Variants in FILIP1L observed in about 807,000 individuals in gnomAD.
FILIP1L encodes filamin A-interacting protein 1-like.
FILIP1L carries 55 observed loss-of-function variants against 96.6 expected under a neutral mutation model. That is an observed-to-expected ratio of 0.57 (90% CI 0.46 to 0.71). The LOEUF (loss-of-function observed/expected upper bound fraction) is 0.71. FILIP1L is among the 30% of genes least tolerant of loss of function. The pLI, the probability that FILIP1L is intolerant of heterozygous loss-of-function variation, is 0.00. For synonymous variants in FILIP1L, 467 were observed against 473.9 expected (o/e 0.99, Z 0.19); for missense variants, 1,304 against 1,321.2 (o/e 0.99, Z 0.20).
Position 99,930,807 on chromosome 3 carries a change from G to C in FILIP1L, c.214C>G (p.Leu72Val). The C allele has an allele frequency of 6.2e-7, 1 of 1,612,826 alleles. No homozygotes were observed. The highest frequency in any genetic ancestry group is 1.3e-5 in the African/African-American group (1 of 74,624). The change falls in exon 2 of 6, where the codon CTG becomes GTG. Residue 72 changes from leucine to valine, a missense_variant. Coordinates refer to ENST00000477258, the MANE Select transcript of FILIP1L (RefSeq NM_001387850.1). Reference sequence around the variant, plus strand: ...TCCAGAATGCTGAGGAGAAATAACAGGTCATCTCTTGAGAGGTCTTCTGCT... The same window carrying C: ...TCCAGAATGCTGAGGAGAAATAACACGTCATCTCTTGAGAGGTCTTCTGCT... ...HQAEDLSRDD[L>V]LFLLSILEGE...
chr3:99,913,683 A>G (rs1190782792), intron 4 of FILIP1L, among the ~76,000 whole-genome samples: 2 of 152,206 alleles, frequency 1.3e-5, no homozygotes, highest in Admixed American at 6.5e-5. Context: ...ACAAGAAACT[A>G]TTCATGGTGG....
At chr3:99,908,662 G>C (rs1706696792) in intron 4 of FILIP1L, among the ~76,000 whole-genome samples, 1 of 152,152 alleles carries the variant, frequency 6.6e-6, no homozygotes, top group African/African-American at 2.4e-5. Flanking sequence ...TGAATATTAT[G>C]TGGACAATAA....
At chr3:99,891,824 A>G (rs1442916713) in intron 4 of FILIP1L, among the ~76,000 whole-genome samples, 1 of 152,232 alleles carries the variant, frequency 6.6e-6, no homozygotes, top group Non-Finnish European at 1.5e-5. Context: ...GCCTAATTGT[A>G]TAAACATTGT....
intron 1 of FILIP1L, among the ~76,000 whole-genome samples, chr3:99,963,753 G>T (rs1435475718): frequency 1.3e-5 from 2 of 151,982 alleles, no homozygotes; most frequent in Non-Finnish European, 2.9e-5. Context: ...AGTAGCTGGG[G>T]ATTACAGGCA....
intron 4 of FILIP1L, among the ~76,000 whole-genome samples, chr3:99,917,201 T>A (rs1706981136): frequency 6.6e-6 from 1 of 152,210 alleles, no homozygotes; most frequent in Non-Finnish European, 1.5e-5. Flanking sequence ...GGCTGTTGGA[T>A]AATTACTGTG....
chr3:100,080,331 A>C (rs2065912687), intron 1 of FILIP1L, among the ~76,000 whole-genome samples: 1 of 152,046 alleles, frequency 6.6e-6, no homozygotes, highest in Admixed American at 6.6e-5. Context: ...GGGAAAAAAA[A>C]ATTTAATAAC....
chr3:99,834,403 C>A (rs555717669), intron 5 of FILIP1L, among the ~76,000 whole-genome samples: 1 of 152,144 alleles, frequency 6.6e-6, no homozygotes, highest in South Asian at 2.1e-4. Flanking sequence ...GTGGTTGTAC[C>A]TAGTCACCTC....
chr3:100,082,784 A>C (rs13069311), intron 1 of FILIP1L, among the ~76,000 whole-genome samples: 27,675 of 152,148 alleles, frequency 0.18, 2,909 homozygotes, highest in South Asian at 0.25. Flanking sequence ...CATGTCACAA[A>C]ATCTGTTTTT....
chr3:100,058,762 T>C (rs1038110632), intron 1 of FILIP1L, among the ~76,000 whole-genome samples: 1 of 152,238 alleles, frequency 6.6e-6, no homozygotes, highest in Admixed American at 6.5e-5. Flanking sequence ...GAGGACGCTG[T>C]ATAACCTCCT....
intron 1 of FILIP1L, among the ~76,000 whole-genome samples, chr3:100,068,801 T>A (rs2065712316): frequency 6.6e-6 from 1 of 152,188 alleles, no homozygotes; most frequent in African/African-American, 2.4e-5. Flanking sequence ...CTAATTTTTG[T>A]ATTTTTAGTA....
intron 4 of FILIP1L, among the ~76,000 whole-genome samples, chr3:99,914,972 A>G (rs558524335): frequency 6.6e-6 from 1 of 152,350 alleles, no homozygotes; most frequent in African/African-American, 2.4e-5. Flanking sequence ...ACTGCAATGT[A>G]TGAATTGAGT....
At chr3:99,845,502 T>G (rs916518847) in intron 5 of FILIP1L, among the ~76,000 whole-genome samples, 1 of 152,188 alleles carries the variant, frequency 6.6e-6, no homozygotes, top group Non-Finnish European at 1.5e-5. Flanking sequence ...ATATTTCATA[T>G]GAAGATTTCT....
At position 99,850,994 on chromosome 3, in the gene FILIP1L, G is replaced by T; in HGVS notation, c.682C>A (p.Leu228Met). The T allele has an allele frequency of 6.2e-7, 1 of 1,613,796 alleles. No individual in the cohort carries two copies. Among genetic ancestry groups the T allele is most frequent in the East Asian group, 2.2e-5 (1 of 44,888 alleles). ...EQEKEKRVTT[L>M]KEELTKLKSF... ...TTCAGCTTGGTCAGCTCCTCTTTCA[G>T]GGTGGTGACCCTTTTCTCCTTTTCT... Residue 228 changes from leucine (L) to methionine (M), a missense_variant, in exon 5 of 6, where the codon CTG (leucine) becomes ATG (methionine). Physicochemically the swap from Leu to Met is conservative, Grantham distance 15. Transcript: ENST00000477258.
chr3:99,929,612 A>T (rs1707410756), intron 3 of FILIP1L, among the ~76,000 whole-genome samples: 1 of 151,476 alleles, frequency 6.6e-6, no homozygotes, highest in Non-Finnish European at 1.5e-5. Flanking sequence ...GAGAGTGGGG[A>T]GCATTCTCTG....
chr3:99,955,482 G>A (rs781368352), intron 1 of FILIP1L, among the ~76,000 whole-genome samples: 111 of 152,144 alleles, frequency 7.3e-4, no homozygotes, highest in Non-Finnish European at 1.2e-3. Flanking sequence ...TTATTAAACC[G>A]GAATTTAGTG....
intron 4 of FILIP1L, among the ~76,000 whole-genome samples, chr3:99,857,872 A>G (rs1468273841): frequency 2.0e-5 from 3 of 152,232 alleles, no homozygotes; most frequent in Non-Finnish European, 4.4e-5. Flanking sequence ...TGTTATGAAT[A>G]TGGCAAGACT....
Position 99,881,538 on chromosome 3 carries a change from T to TC in FILIP1L, c.606-30469_606-30468insG, listed in dbSNP as rs1491120236. The stretch of plus-strand genomic sequence containing the variant: ...AATTTGTAGCCCATCTCTCTCTCTC[T>TC]TTTTTTTTTTTTGAGACACAGTCTC... On this transcript the variant is annotated intron_variant, in intron 4 of 5. Transcript: ENST00000477258. 1.8e-4 allele frequency among the ~76,000 whole-genome samples: 22 copies of TC among 121,950 alleles called. No individual in the cohort carries two copies. The South Asian group carries it at 3.7e-3, about 20-fold the overall frequency. The allele number at this position is 121,950 out of a possible 152,430, so 80.0% of individuals were successfully genotyped here. A position where few individuals can be genotyped will look rare whatever the true frequency, so the allele number is the denominator to read the frequency against.
intron 1 of FILIP1L, among the ~76,000 whole-genome samples, chr3:99,950,793 T>G (rs1414924889): frequency 6.6e-6 from 1 of 152,132 alleles, no homozygotes; most frequent in Non-Finnish European, 1.5e-5. Context: ...TGCTGGAGAC[T>G]TAGGTAAATA....
chr3:100,027,720 G>A (rs557345786), intron 1 of FILIP1L, among the ~76,000 whole-genome samples: 1 of 152,306 alleles, frequency 6.6e-6, no homozygotes, highest in South Asian at 2.1e-4. Flanking sequence ...ATCTCTGAAG[G>A]TAGCACACAT....
Sources: allele counts gnomAD v4.1 joint callset (sites outside exome capture counted in the v4.1 genomes callset), GRCh38; gene constraint gnomAD v4.1.1; transcripts MANE v1.5; gene names NCBI Gene and HGNC (gene_info 2026-07-23, HGNC 2026-07-21).